Variants in LYPD6 observed in about 807,000 individuals in gnomAD.
LYPD6 encodes the protein ly6/PLAUR domain-containing protein 6.
LYPD6 carries 15 observed loss-of-function variants against 22.7 expected under a neutral mutation model. The observed-to-expected ratio is 0.66, with a 90% CI of 0.44 to 1.02. The LOEUF is 1.02. Among genes scored for constraint, LYPD6 ranks in the 50% least tolerant of loss-of-function variants. The pLI is 0.00. For synonymous variants in LYPD6, 72 were observed against 77.5 expected, an observed-to-expected ratio of 0.93 and a Z score of 0.37; for missense variants, 189 against 208.4, an observed-to-expected ratio of 0.91 and a Z score of 0.57.
rs1370715111 is a variant in LYPD6 at position 149,454,983 on chromosome 2, G to C, written c.217+5836G>C. Among the ~76,000 whole-genome samples, 4 of 151,972 alleles carry C rather than the reference G, an allele frequency of 2.6e-5. No homozygotes were observed. In the East Asian group the frequency reaches 7.8e-4, roughly 30 times the overall value. On this transcript the variant is annotated intron_variant, in intron 3 of 4. Transcript: ENST00000334166. Reference sequence around the variant, plus strand: ...GCCCCTTAGCAGAGCTTTCTGCTTGGTTTCTCAGCCTCTCCACCTGTGCAA... The same window carrying C: ...GCCCCTTAGCAGAGCTTTCTGCTTGCTTTCTCAGCCTCTCCACCTGTGCAA...
At chr2:149,408,343 G>A (rs1225124207) in intron 1 of LYPD6, among the ~76,000 whole-genome samples, 3 of 152,126 alleles carry the variant, frequency 2.0e-5, no homozygotes, top group African/African-American at 4.8e-5. Flanking sequence ...CTTAAGATTC[G>A]TTCCTTCGTC....
chr2:149,350,914 C>T (rs1224707174), intron 1 of LYPD6, among the ~76,000 whole-genome samples: 1 of 152,178 alleles, frequency 6.6e-6, no homozygotes, highest in Non-Finnish European at 1.5e-5. Context: ...ACAGGCAGAT[C>T]TTTCACACAG....
intron 2 of LYPD6, among the ~76,000 whole-genome samples, chr2:149,438,946 G>A (rs1288373515): frequency 6.6e-6 from 1 of 152,208 alleles, no homozygotes; most frequent in Non-Finnish European, 1.5e-5. Context: ...CACTGAGTGT[G>A]AGACATAGGA....
chr2:149,362,125 TC>T (rs1180902369), intron 1 of LYPD6, among the ~76,000 whole-genome samples: 7 of 152,212 alleles, frequency 4.6e-5, no homozygotes, highest in African/African-American at 1.2e-4. Context: ...CTTCTGACCT[TC>T]AGAACTTTGA....
intron 1 of LYPD6, among the ~76,000 whole-genome samples, chr2:149,362,713 G>A (rs895385786): frequency 1.3e-5 from 2 of 152,002 alleles, no homozygotes; most frequent in African/African-American, 4.8e-5. Flanking sequence ...GAGAGGGTGA[G>A]AAGTGAAGGG....
intron 1 of LYPD6, among the ~76,000 whole-genome samples, chr2:149,418,127 G>T (rs1175301727): frequency 6.6e-6 from 1 of 152,128 alleles, no homozygotes; most frequent in Non-Finnish European, 1.5e-5. Flanking sequence ...GATCTCTATG[G>T]CCTCATCAAA....
At chr2:149,395,593 C>G (rs1439493245) in intron 1 of LYPD6, among the ~76,000 whole-genome samples, 1 of 151,852 alleles carries the variant, frequency 6.6e-6, no homozygotes, top group Non-Finnish European at 1.5e-5. Flanking sequence ...AGTTGGTGTT[C>G]CTAGGAGTAT....
chr2:149,461,161 A>G (rs986595874), intron 3 of LYPD6, among the ~76,000 whole-genome samples: 7 of 152,046 alleles, frequency 4.6e-5, no homozygotes, highest in Admixed American at 2.6e-4. Flanking sequence ...GAGAATACAT[A>G]TACTAAAACA....
chr2:149,479,400 C>A, the LYPD6 span, among the ~76,000 whole-genome samples: 5 of 152,192 alleles, frequency 3.3e-5, no homozygotes, highest in South Asian at 1.0e-3. Flanking sequence ...CCCCCTCAGA[C>A]TCCTTCTATG....
intron 3 of LYPD6, chr2:149,464,035 G>C: frequency 2.6e-6 from 1 of 381,916 alleles, no homozygotes. Flanking sequence ...TAGGTAAAAG[G>C]TGTAGAGGAT....
In LYPD6 at chr2:149,377,891, C is replaced by T. The variant is rs1049881797; in HGVS notation, c.-72+47169C>T. Among the ~76,000 whole-genome samples, 7 of 149,470 alleles carry T rather than the reference C, an allele frequency of 4.7e-5. No individual in the cohort carries two copies. The Admixed American group carries it at 4.8e-4, about 10-fold the overall frequency. On this transcript the variant is annotated intron_variant, in intron 1 of 4. Coordinates refer to ENST00000334166, the MANE Select transcript of LYPD6 (RefSeq NM_194317.5). ...CTTTATCATTACTCTTGCCCTGGAG[C>T]CTCCTGCAGGCCTCATGTGTATTCA...
intron 1 of LYPD6, among the ~76,000 whole-genome samples, chr2:149,431,790 T>G (rs1034145432): frequency 6.6e-6 from 1 of 152,178 alleles, no homozygotes; most frequent in Non-Finnish European, 1.5e-5. Context: ...TTAAAAACTT[T>G]TGTAGATCAA....
chr2:149,391,701 C>T (rs1682313908), intron 1 of LYPD6, among the ~76,000 whole-genome samples: 1 of 152,152 alleles, frequency 6.6e-6, no homozygotes, highest in African/African-American at 2.4e-5. Flanking sequence ...CTGGACATGA[C>T]CCTGAGTTCT....
intron 1 of LYPD6, among the ~76,000 whole-genome samples, chr2:149,371,705 G>A (rs1049288149): frequency 6.6e-6 from 1 of 152,186 alleles, no homozygotes; most frequent in Non-Finnish European, 1.5e-5. Flanking sequence ...GGCGTCAGGA[G>A]GCACAGGTCT....
intron 1 of LYPD6, among the ~76,000 whole-genome samples, chr2:149,399,708 T>A (rs1682510189): frequency 7.7e-6 from 1 of 129,276 alleles, no homozygotes; most frequent in South Asian, 2.2e-4. Flanking sequence ...AAATAAAATA[T>A]ATAAATTATA....
intron 1 of LYPD6, among the ~76,000 whole-genome samples, chr2:149,403,913 A>T (rs200946819): frequency 6.6e-6 from 1 of 152,122 alleles, no homozygotes; most frequent in African/African-American, 2.4e-5. Context: ...TTTTGTATAA[A>T]GTGTAAGGAA....
intron 1 of LYPD6, among the ~76,000 whole-genome samples, chr2:149,426,554 A>G (rs1360104206): frequency 2.6e-5 from 4 of 152,150 alleles, no homozygotes; most frequent in Non-Finnish European, 5.9e-5. Flanking sequence ...TGATTTGTAA[A>G]TTATGGTGGG....
intron 1 of LYPD6, among the ~76,000 whole-genome samples, chr2:149,389,386 T>C (rs1312304749): frequency 6.6e-6 from 1 of 152,134 alleles, no homozygotes; most frequent in Non-Finnish European, 1.5e-5. Flanking sequence ...GAGATTAAAA[T>C]TTTGTGGCAT....
intron 1 of LYPD6, among the ~76,000 whole-genome samples, chr2:149,407,723 T>C (rs1050141075): frequency 6.6e-6 from 1 of 152,224 alleles, no homozygotes; most frequent in African/African-American, 2.4e-5. Context: ...GAAGCCTTCT[T>C]CTCTCAACTT....
Sources: allele counts gnomAD v4.1 joint callset (sites outside exome capture counted in the v4.1 genomes callset), GRCh38; gene constraint gnomAD v4.1.1; transcripts MANE v1.5; gene names NCBI Gene and HGNC (gene_info 2026-07-23, HGNC 2026-07-21).